Variants in POU6F2 observed in about 807,000 individuals in gnomAD.
POU6F2 encodes POU domain, class 6, transcription factor 2.
In POU6F2, 31 loss-of-function variants were observed where a neutral mutation model predicts 71.3. The observed-to-expected ratio is 0.43, with a 90% CI of 0.33 to 0.59. The LOEUF is 0.59. Among genes scored for constraint, POU6F2 ranks in the 20% least tolerant of loss-of-function variants. The pLI is 0.04. For synonymous variants in POU6F2, 347 were observed against 355.7 expected (o/e 0.98, Z 0.27); for missense variants, 783 against 856.8 (o/e 0.91, Z 1.07).
At chr7:39,445,876 C>CT (rs1788511560) in intron 7 of POU6F2, among the ~76,000 whole-genome samples, 1 of 152,314 alleles carries the variant, frequency 6.6e-6, no homozygotes, top group African/African-American at 2.4e-5. Context: ...TGCTCTAACT[C>CT]TTTTTCCAAG....
chr7:39,271,793 G>A (rs1052078394), intron 4 of POU6F2, among the ~76,000 whole-genome samples: 2 of 152,194 alleles, frequency 1.3e-5, no homozygotes, highest in African/African-American at 4.8e-5. Context: ...TCCAGGAGCC[G>A]TTCAAATCGT....
intron 1 of POU6F2, among the ~76,000 whole-genome samples, chr7:39,033,395 G>A (rs999195555): frequency 1.3e-5 from 2 of 152,060 alleles, no homozygotes; most frequent in African/African-American, 2.4e-5. Context: ...ACATCAACAC[G>A]GAACATTGCT....
At chr7:39,216,747 A>G (rs1003997890) in intron 4 of POU6F2, among the ~76,000 whole-genome samples, 2 of 152,258 alleles carry the variant, frequency 1.3e-5, no homozygotes, top group African/African-American at 4.8e-5. Flanking sequence ...ACATAAAAAA[A>G]GTTTAAATAC....
At chr7:39,198,789 C>T (rs1793835133) in intron 2 of POU6F2, among the ~76,000 whole-genome samples, 1 of 152,284 alleles carries the variant, frequency 6.6e-6, no homozygotes, top group South Asian at 2.1e-4. Context: ...GGCAGTAGCT[C>T]AGCAGAGATT....
intron 2 of POU6F2, among the ~76,000 whole-genome samples, chr7:39,104,836 G>A (rs924241759): frequency 3.3e-5 from 5 of 152,178 alleles, no homozygotes; most frequent in African/African-American, 1.2e-4. Context: ...TTTGGAGACC[G>A]TGTCTTCTTA....
chr7:39,437,106 A>G (rs10268273), intron 7 of POU6F2, among the ~76,000 whole-genome samples: 51,182 of 151,920 alleles, frequency 0.34, 9,634 homozygotes, highest in East Asian at 0.58. Context: ...TCTCTTCCCG[A>G]TTGTGGTATC....
At chr7:39,238,084 G>A (rs1035809393) in intron 4 of POU6F2, among the ~76,000 whole-genome samples, 1 of 152,082 alleles carries the variant, frequency 6.6e-6, no homozygotes, top group Non-Finnish European at 1.5e-5. Context: ...GTAATTTCAG[G>A]GGGGTATAAA....
intron 2 of POU6F2, among the ~76,000 whole-genome samples, chr7:39,091,081 G>T (rs1427362326): frequency 1.3e-5 from 2 of 152,032 alleles, no homozygotes; most frequent in Non-Finnish European, 2.9e-5. Flanking sequence ...TCCCCGCCCC[G>T]CCCCAGAAAA....
At position 39,210,044 on chromosome 7, in the gene POU6F2, C is replaced by T. The variant is rs904252683; in HGVS notation, c.598+2424C>T. Among the ~76,000 whole-genome samples, 4 of 152,152 alleles carry T rather than the reference C, an allele frequency of 2.6e-5. No individual in the cohort carries two copies. The South Asian group carries it at 8.3e-4, about 32-fold the overall frequency. ...GAGGGGAGAAGGCTGTTTCCTTTCC[C>T]CCATCTCTTTCCTGTACAATAAATA... On this transcript the variant is annotated intron_variant, in intron 4 of 9. Coordinates refer to ENST00000518318, the MANE Select transcript of POU6F2 (RefSeq NM_001370959.1).
At chr7:39,441,321 A>G (rs1788399988) in intron 7 of POU6F2, among the ~76,000 whole-genome samples, 1 of 151,900 alleles carries the variant, frequency 6.6e-6, no homozygotes, top group Admixed American at 6.6e-5. Flanking sequence ...TTAGGAGTCT[A>G]TAGCAAAACA....
At chr7:39,226,518 A>G (rs1478350030) in intron 4 of POU6F2, among the ~76,000 whole-genome samples, 1 of 151,792 alleles carries the variant, frequency 6.6e-6, no homozygotes, top group African/African-American at 2.4e-5. Flanking sequence ...TTAGTTCTTC[A>G]TTGTTTAGGT....
At chr7:39,209,826 G>T (rs2128746404) in intron 4 of POU6F2, among the ~76,000 whole-genome samples, 1 of 152,334 alleles carries the variant, frequency 6.6e-6, no homozygotes, top group Non-Finnish European at 1.5e-5. Context: ...TGCAGAAGCA[G>T]TGGGACTCGG....
chr7:39,298,493 G>A, intron 4 of POU6F2, among the ~76,000 whole-genome samples: 1 of 152,036 alleles, frequency 6.6e-6, no homozygotes, highest in East Asian at 1.9e-4. Flanking sequence ...CAATAAAAAA[G>A]GCAAGAAACA....
chr7:39,077,086 G>C (rs1475201502), intron 1 of POU6F2, among the ~76,000 whole-genome samples: 2 of 152,188 alleles, frequency 1.3e-5, no homozygotes, highest in Non-Finnish European at 2.9e-5. Context: ...AGATTATGAA[G>C]AGTGTATGAA....
intron 1 of POU6F2, among the ~76,000 whole-genome samples, chr7:38,980,481 G>A (rs957033402): frequency 6.6e-6 from 1 of 152,148 alleles, no homozygotes; most frequent in African/African-American, 2.4e-5. Context: ...GCACAGATAA[G>A]TGTATTTACT....
chr7:39,293,906 A>G (rs1201283812), intron 4 of POU6F2, among the ~76,000 whole-genome samples: 2 of 152,184 alleles, frequency 1.3e-5, no homozygotes, highest in Non-Finnish European at 2.9e-5. Context: ...GGCCTGAGTG[A>G]TCAGCGAAGA....
At chr7:39,100,586 A>G (rs1400747581) in intron 2 of POU6F2, among the ~76,000 whole-genome samples, 4 of 152,226 alleles carry the variant, frequency 2.6e-5, no homozygotes, top group African/African-American at 9.6e-5. Flanking sequence ...CAATAAATAT[A>G]TTGTGATATT....
At chr7:39,009,734 G>C (rs372336807) in intron 1 of POU6F2, among the ~76,000 whole-genome samples, 9 of 151,558 alleles carry the variant, frequency 5.9e-5, no homozygotes, top group Admixed American at 2.0e-4. Context: ...TAGCATGAAG[G>C]GTTGTTGAAT....
At chr7:39,061,924 C>T (rs926021148) in intron 1 of POU6F2, among the ~76,000 whole-genome samples, 1 of 152,120 alleles carries the variant, frequency 6.6e-6, no homozygotes, top group Admixed American at 6.6e-5. Flanking sequence ...CATTATATTT[C>T]AGTATGCAGC....
Sources: allele counts gnomAD v4.1 joint callset (sites outside exome capture counted in the v4.1 genomes callset), GRCh38; gene constraint gnomAD v4.1.1; transcripts MANE v1.5; gene names NCBI Gene and HGNC (gene_info 2026-07-23, HGNC 2026-07-21).